Variants in PYGB observed in about 807,000 individuals in gnomAD.
The protein encoded by PYGB is glycogen phosphorylase, brain form.
A neutral mutation model predicts 94.3 loss-of-function variants in PYGB; 82 were observed. That is an observed-to-expected ratio of 0.87 (90% CI 0.73 to 1.04). The LOEUF (loss-of-function observed/expected upper bound fraction) is 1.04. Ranked by LOEUF, PYGB falls within the 50% of genes least tolerant of loss-of-function variation. PYGB has a pLI of 0.00. For synonymous variants in PYGB, 488 were observed against 479.1 expected (o/e 1.02, Z -0.24); for missense variants, 1,132 against 1,158.2 (o/e 0.98, Z 0.33).
At chr20:25,252,103 G>A (rs2092889718) in intron 1 of PYGB, among the ~76,000 whole-genome samples, 1 of 152,200 alleles carries the variant, frequency 6.6e-6, no homozygotes, top group Non-Finnish European at 1.5e-5. Context: ...TGCATCTCCT[G>A]GGCAGGCTTC....
intron 17 of PYGB, 164 bp from the exon 18 acceptor site, chr20:25,293,994 C>T: frequency 1.2e-6 from 1 of 849,350 alleles, no homozygotes; most frequent in Non-Finnish European, 1.8e-6. Context: ...TGCTCAAGGG[C>T]CTCGTAACCA....
chr20:25,274,911 C>T (rs1397272181), intron 5 of PYGB, among the ~76,000 whole-genome samples, 188 bp downstream of exon 5: 4 of 152,228 alleles, frequency 2.6e-5, no homozygotes, highest in African/African-American at 9.6e-5. Flanking sequence ...GGGAGCTTCC[C>T]AAACAGTGGA....
chr20:25,253,817 G>A (rs1055755277), intron 1 of PYGB, among the ~76,000 whole-genome samples: 1 of 152,038 alleles, frequency 6.6e-6, no homozygotes, highest in Non-Finnish European at 1.5e-5. Context: ...CAACACACTT[G>A]TTAGGTCATT....
Position 25,283,240 on chromosome 20 carries a change from A to T in PYGB, c.1583A>T (p.Asp528Val). 6.2e-7 allele frequency: 1 copy of T among 1,613,876 alleles called. No individual in the cohort carries two copies. The highest frequency in any genetic ancestry group is 1.1e-5 in the South Asian group (1 of 91,084). ...QLKKLLPLVS[D>V]EVFIRDVAKV... ...AAGAAGCTGCTGCCGCTGGTCAGTG[A>T]CGAGGTGTTCATCAGGGACGTGGCC... is the stretch of plus-strand genomic sequence containing the variant. The change falls in exon 13 of 20, where the codon GAC (aspartate) becomes GTC (valine). Residue 528 changes from aspartate (D) to valine (V), a missense_variant. Physicochemically the swap from Asp to Val is radical, Grantham distance 152. Coordinates refer to ENST00000216962, the MANE Select transcript of PYGB (RefSeq NM_002862.4).
chr20:25,271,061 G>A (rs1195942222), intron 3 of PYGB, among the ~76,000 whole-genome samples: 1 of 152,124 alleles, frequency 6.6e-6, no homozygotes, highest in East Asian at 1.9e-4. Flanking sequence ...GGATTGGCGA[G>A]GCCTCAGCCT....
rs140503692 is a variant in PYGB, at chr20:25,278,361, G to A, written c.898G>A (p.Val300Met). The change falls in exon 8 of 20, where the codon GTG (valine) becomes ATG (methionine). Residue 300 changes from valine (V) to methionine (M), a missense_variant. Coordinates refer to ENST00000216962, the MANE Select transcript of PYGB (RefSeq NM_002862.4). Reference sequence around the variant, plus strand: ...GCTGCGGCTGAAGCAGGAGTACTTCGTGGTGGCCGCCACGCTCCAGGACAT... The same window carrying A: ...GCTGCGGCTGAAGCAGGAGTACTTCATGGTGGCCGCCACGCTCCAGGACAT... Reference protein sequence around the residue: ...KELRLKQEYFVVAATLQDIIR... With the variant: ...KELRLKQEYFMVAATLQDIIR... 1.2e-4 allele frequency: 199 copies of A among 1,611,122 alleles called. No homozygotes were observed. The highest frequency in any genetic ancestry group is 1.1e-3 in the African/African-American group (82 of 73,742).
chr20:25,293,892 C>A, intron 17 of PYGB: 1 of 505,838 alleles, frequency 2.0e-6, no homozygotes. Flanking sequence ...TATGTCCTAG[C>A]AGATCTGCTA....
intron 2 of PYGB, among the ~76,000 whole-genome samples, chr20:25,265,752 G>A (rs1444310809): frequency 2.6e-5 from 4 of 151,854 alleles, no homozygotes; most frequent in South Asian, 2.1e-4. Flanking sequence ...CTGCCACCAC[G>A]CCCGGCTAAT....
chr20:25,261,527 G>A (rs1236255017), intron 2 of PYGB, among the ~76,000 whole-genome samples: 2 of 152,184 alleles, frequency 1.3e-5, no homozygotes, highest in Non-Finnish European at 2.9e-5. Context: ...ACAAAGATGG[G>A]GAGAAACCAG....
chr20:25,283,990 C>T (rs1335015262), intron 13 of PYGB, 114 bp from the exon 14 acceptor site: 43 of 1,311,792 alleles, frequency 3.3e-5, no homozygotes, highest in Admixed American at 3.9e-5. Flanking sequence ...AGCCTGTATA[C>T]CCCTGCCCCC....
At chr20:25,254,914 A>T (rs55769917) in intron 1 of PYGB, among the ~76,000 whole-genome samples, 1,654 of 152,336 alleles carry the variant, frequency 0.011, 19 homozygotes, top group Non-Finnish European at 0.019. Flanking sequence ...TAAGATCCCC[A>T]TAAGTTCTAA....
intron 15 of PYGB, chr20:25,289,811 AATG>A (rs754706755): frequency 1.9e-6 from 1 of 533,136 alleles, no homozygotes; most frequent in African/African-American, 1.9e-5. Flanking sequence ...CTTTTCATAA[AATG>A]ATGTTTTCCA....
chr20:25,273,736 C>T (rs2088286255), intron 4 of PYGB, among the ~76,000 whole-genome samples: 1 of 151,500 alleles, frequency 6.6e-6, no homozygotes, highest in Non-Finnish European at 1.5e-5. Flanking sequence ...TGGAAGCCCT[C>T]CCGGAACAGC....
chr20:25,282,188 G>C, intron 12 of PYGB, 41 bp downstream of exon 12: 1 of 1,500,078 alleles, frequency 6.7e-7, no homozygotes, highest in Non-Finnish European at 9.1e-7. Context: ...AGATGCCTGG[G>C]CTGAGAACCG....
At chr20:25,288,552 G>T (rs1262053848) in intron 15 of PYGB, 69 bp downstream of exon 15, 1 of 1,525,580 alleles carries the variant, frequency 6.6e-7, no homozygotes, top group Non-Finnish European at 9.0e-7. Flanking sequence ...CAGCCTGCAC[G>T]CTTCTCATGG....
intron 1 of PYGB, among the ~76,000 whole-genome samples, chr20:25,252,022 T>C (rs2092889436): frequency 6.6e-6 from 1 of 152,250 alleles, no homozygotes; most frequent in African/African-American, 2.4e-5. Context: ...TCAGTTGTGG[T>C]ACCAGCCTCC....
chr20:25,264,106 A>C (rs2092919276), intron 2 of PYGB, among the ~76,000 whole-genome samples: 1 of 152,250 alleles, frequency 6.6e-6, no homozygotes, highest in Non-Finnish European at 1.5e-5. Flanking sequence ...CATCCCTGGG[A>C]TGCAAGGCTG....
At chr20:25,253,511 G>A (rs1333034621) in intron 1 of PYGB, among the ~76,000 whole-genome samples, 1 of 152,000 alleles carries the variant, frequency 6.6e-6, no homozygotes, top group African/African-American at 2.4e-5. Context: ...AATTAGCCGG[G>A]CGTGGTGGTG....
rs201916087 is a variant in PYGB at position 25,296,528 on chromosome 20, C to T, written c.*6C>T. The T allele has an allele frequency of 1.1e-4, 178 of 1,610,490 alleles. No individual in the cohort carries two copies. Among genetic ancestry groups the T allele is most frequent in the Non-Finnish European group, 1.4e-4 (163 of 1,178,466 alleles). On this transcript the variant is annotated 3_prime_UTR_variant, in exon 20 of 20. Transcript: ENST00000216962. ...CCAACATCCCCCGGGACTAGGCACA[C>T]CCTGCCTTGGCGGGACCAGCGGGCA...
Sources: gnomAD v4.1 joint callset for allele counts (sites outside exome capture counted in the v4.1 genomes callset) on GRCh38, gnomAD v4.1.1 for gene constraint, MANE v1.5 for transcripts, NCBI Gene and HGNC (gene_info 2026-07-23, HGNC 2026-07-21) for gene names.